The following GNPTG variants were observed in gnomAD, a reference collection of about 807,000 sequenced individuals.
GNPTG encodes N-acetylglucosamine-1-phosphate transferase subunit gamma.
GNPTG carries 46 observed loss-of-function variants against 43.8 expected under a neutral mutation model. The observed-to-expected ratio is 1.05, with a 90% CI of 0.83 to 1.34. GNPTG has a LOEUF of 1.34. Ranked by LOEUF, GNPTG falls within the 40% of genes most tolerant of loss-of-function variation. GNPTG has a pLI of 0.00. For synonymous variants in GNPTG, 250 were observed against 172.8 expected (o/e 1.45, Z -3.50); for missense variants, 549 against 411.3 (o/e 1.33, Z -2.90).
At chr16:1,354,765 A>G (rs2034745610) in intron 3 of GNPTG, among the ~76,000 whole-genome samples, 1 of 152,118 alleles carries the variant, frequency 6.6e-6, no homozygotes, top group Admixed American at 6.5e-5. Flanking sequence ...TAAGTGGCAC[A>G]TTTGTTTCCC....
chr16:1,362,754 G>C lies in GNPTG; in HGVS notation c.741+12G>C, dbSNP rs761837002. On this transcript the variant is annotated intron_variant, in intron 9 of 10. Coordinates refer to ENST00000204679, the MANE Select transcript of GNPTG (RefSeq NM_032520.5). ...AAAACTGCAGGAAGGTACCGTATTGGGGGGAGGTGGTGGCACGCAGTAGCC... is the reference window on the plus strand; with the variant it reads ...AAAACTGCAGGAAGGTACCGTATTGCGGGGAGGTGGTGGCACGCAGTAGCC... 17 of 1,613,996 alleles carry C rather than the reference G, an allele frequency of 1.1e-5. No homozygotes were observed. Among genetic ancestry groups the C allele is most frequent in the African/African-American group, 6.7e-5 (5 of 74,932 alleles).
Position 1,362,004 on chromosome 16 carries a change from C to T in GNPTG, c.318-34C>T, listed in dbSNP as rs2072987. Reference sequence around the variant, plus strand: ...CCCAAAGCAGCAGCGCAGCTCCCCACCCGGCCTCACGTGCCGTGCCCGTGT... The same window carrying T: ...CCCAAAGCAGCAGCGCAGCTCCCCATCCGGCCTCACGTGCCGTGCCCGTGT... On this transcript the variant is annotated intron_variant, in intron 5 of 10. Transcript: ENST00000204679. 21,346 of 1,612,900 alleles carry T rather than the reference C, an allele frequency of 0.013. 1,978 individuals are homozygous for T. In the East Asian group the frequency reaches 0.27, roughly 21 times the overall value.
At chr16:1,354,057 C>T (rs769635610) in intron 3 of GNPTG, among the ~76,000 whole-genome samples, 14 of 152,138 alleles carry the variant, frequency 9.2e-5, no homozygotes, top group Non-Finnish European at 1.8e-4. Context: ...TGTTGTGTGG[C>T]TGGGCGTGAT....
Position 1,363,154 on chromosome 16 carries a change from G to A in GNPTG, c.*63G>A. ...GCCCTACAGAGAAGCTGGCTGGTAGGACCCGCAGGGACCAGCTGACCAGGC... is the reference window on the plus strand; with the variant it reads ...GCCCTACAGAGAAGCTGGCTGGTAGAACCCGCAGGGACCAGCTGACCAGGC... On this transcript the variant is annotated 3_prime_UTR_variant, in exon 11 of 11. Coordinates refer to ENST00000204679, the MANE Select transcript of GNPTG (RefSeq NM_032520.5). The A allele has an allele frequency of 3.6e-6, 5 of 1,391,178 alleles. No individual in the cohort carries two copies. The South Asian group carries it at 5.9e-5, about 17-fold the overall frequency. The allele number at this position is 1,391,178 out of a possible 1,614,324, so 86.2% of individuals were successfully genotyped here. A position where few individuals can be genotyped will look rare whatever the true frequency, so the allele number is the denominator to read the frequency against.
At chr16:1,362,777 G>A in intron 9 of GNPTG, 35 bp downstream of exon 9, 3 of 1,614,102 alleles carry the variant, frequency 1.9e-6, no homozygotes, top group Non-Finnish European at 2.5e-6. Flanking sequence ...GCACGCAGTA[G>A]CCCTCCAGCA....
chr16:1,359,637 A>T (rs540841048), intron 3 of GNPTG, among the ~76,000 whole-genome samples: 1 of 152,282 alleles, frequency 6.6e-6, no homozygotes, highest in African/African-American at 2.4e-5. Context: ...TTTTGGAATC[A>T]GTATGTACGA....
rs1219244605 is a variant in GNPTG, at chr16:1,362,551, G to C, written c.609+17G>C. On this transcript the variant is annotated intron_variant, in intron 8 of 10. Coordinates refer to ENST00000204679, the MANE Select transcript of GNPTG (RefSeq NM_032520.5). ...ACCCCCCAGGTAAGCGTGCGCTCGG[G>C]GTGGCCCCTGGTGGGCCTGGCTGGG... is the stretch of plus-strand genomic sequence containing the variant. 2 of 1,614,178 alleles carry C rather than the reference G, an allele frequency of 1.2e-6. No homozygotes were observed. Among genetic ancestry groups the C allele is most frequent in the Non-Finnish European group, 1.7e-6 (2 of 1,180,016 alleles).
intron 3 of GNPTG, among the ~76,000 whole-genome samples, chr16:1,357,318 G>A (rs1384477499): frequency 2.6e-5 from 4 of 152,110 alleles, no homozygotes; most frequent in Non-Finnish European, 5.9e-5. Context: ...GAATGTCAGG[G>A]AACAGAAGGC....
rs1596615744 is a variant in GNPTG, at chr16:1,362,721, G to A, written c.720G>A (p.Glu240=). ...LEGGPDSLGF[E]TLENCRKAHK... Reference sequence around the variant, plus strand: ...GAGGTCCTGACAGCTTGGGGTTTGAGACCCTGGAAAACTGCAGGAAGGTAC... The same window carrying A: ...GAGGTCCTGACAGCTTGGGGTTTGAAACCCTGGAAAACTGCAGGAAGGTAC... Residue 240 remains glutamate (E), a synonymous_variant, in exon 9 of 11, where the codon GAG becomes GAA. Transcript: ENST00000204679. The A allele has an allele frequency of 1.2e-6, 2 of 1,614,044 alleles. 1 individual carries two copies. Among genetic ancestry groups the A allele is most frequent in the South Asian group, 2.2e-5 (2 of 91,086 alleles).
At chr16:1,355,964 C>T (rs1341626168) in intron 3 of GNPTG, among the ~76,000 whole-genome samples, 3 of 149,716 alleles carry the variant, frequency 2.0e-5, no homozygotes, top group Admixed American at 6.6e-5. Flanking sequence ...TGCGTGAGGC[C>T]GGAGGGTGAG....
At chr16:1,353,197 G>A (rs1373081636) in intron 3 of GNPTG, among the ~76,000 whole-genome samples, 2 of 152,110 alleles carry the variant, frequency 1.3e-5, no homozygotes, top group Non-Finnish European at 2.9e-5. Context: ...GGCGGGTCTC[G>A]AACTCCTGAC....
intron 3 of GNPTG, chr16:1,361,525 T>C: frequency 1.9e-6 from 1 of 531,050 alleles, no homozygotes; most frequent in Non-Finnish European, 3.4e-6. Context: ...GCGCCTGTAG[T>C]CCCAGCTACT....
At position 1,352,023 on chromosome 16, in the gene GNPTG, T is replaced by C. The variant is rs1394612898; in HGVS notation, c.52+6T>C. 6.7e-7 allele frequency: 1 copy of C among 1,482,540 alleles called. No homozygotes were observed. The highest frequency in any genetic ancestry group is 2.4e-4 in the Middle Eastern group (1 of 4,216). The allele number at this position is 1,482,540 out of a possible 1,614,324, so 91.8% of individuals were successfully genotyped here. A position where few individuals can be genotyped will look rare whatever the true frequency, so the allele number is the denominator to read the frequency against. On this transcript the variant is annotated splice_donor_region_variant and intron_variant, in intron 1 of 10. Transcript: ENST00000204679. ...CCTCGGGCTCTCGGCCGGCGGTGAGTGGCCCGGCCGTCCGCGTCCCCAGGC... is the reference window on the plus strand; with the variant it reads ...CCTCGGGCTCTCGGCCGGCGGTGAGCGGCCCGGCCGTCCGCGTCCCCAGGC...
At chr16:1,356,054 G>T (rs899642659) in intron 3 of GNPTG, among the ~76,000 whole-genome samples, 1 of 151,950 alleles carries the variant, frequency 6.6e-6, no homozygotes, top group Admixed American at 6.5e-5. Flanking sequence ...GTGTGGGGCC[G>T]GGCCAGGGAG....
rs2035031407 is a variant in GNPTG, at chr16:1,363,879, CCTGGGGCTCCCCAGCT to C, written c.*791_*806del. On this transcript the variant is annotated 3_prime_UTR_variant, in exon 11 of 11. Transcript: ENST00000204679. Reference sequence around the variant, plus strand: ...TCCATCTCCCAGCTGTCCCCCCACCCCTGGGGCTCCCCAGCTCTACCACCCCGGAAGCTGAGCCCTG... The same window carrying C: ...TCCATCTCCCAGCTGTCCCCCCACCCCTACCACCCCGGAAGCTGAGCCCTG... 1 of 152,522 alleles carries C rather than the reference CCTGGGGCTCCCCAGCT, an allele frequency of 6.6e-6. No individual in the cohort carries two copies. Among genetic ancestry groups the C allele is most frequent in the African/African-American group, 2.4e-5 (1 of 41,446 alleles). 9.4% of individuals were successfully genotyped at this position (152,522 alleles called of 1,614,324 possible).
intron 3 of GNPTG, among the ~76,000 whole-genome samples, chr16:1,353,154 G>A (rs2034714600): frequency 6.6e-6 from 1 of 152,030 alleles, no homozygotes; most frequent in Non-Finnish European, 1.5e-5. Flanking sequence ...TGTATTTTTA[G>A]TAGAGATAGG....
intron 3 of GNPTG, among the ~76,000 whole-genome samples, chr16:1,356,694 G>T (rs979949352): frequency 1.3e-5 from 2 of 152,190 alleles, no homozygotes; most frequent in African/African-American, 4.8e-5. Context: ...AGGCCCCGCT[G>T]CCCTCACACA....
chr16:1,354,846 A>G (rs1025085305), intron 3 of GNPTG, among the ~76,000 whole-genome samples: 62 of 151,580 alleles, frequency 4.1e-4, no homozygotes, highest in African/African-American at 1.5e-3. Context: ...CTGTGGGGTC[A>G]GGCGTGGATA....
chr16:1,361,997 C>T (rs900341724), intron 5 of GNPTG, 41 bp from the exon 6 acceptor site: 4 of 1,612,936 alleles, frequency 2.5e-6, no homozygotes, highest in African/African-American at 2.7e-5. Context: ...AGCAGCGCAG[C>T]TCCCCACCCG....
Sources: gnomAD v4.1 joint callset for allele counts (sites outside exome capture counted in the v4.1 genomes callset) on GRCh38, gnomAD v4.1.1 for gene constraint, MANE v1.5 for transcripts, NCBI Gene and HGNC (gene_info 2026-07-23, HGNC 2026-07-21) for gene names.